Variants in UBR3 observed in about 807,000 individuals in gnomAD.
UBR3 encodes ubiquitin protein ligase E3 component n-recognin 3.
Under a neutral mutation model 243.2 loss-of-function variants are expected in UBR3, and 85 were observed. The observed-to-expected ratio is 0.35, with a 90% CI of 0.29 to 0.42. UBR3 has a LOEUF of 0.42. Among genes scored for constraint, UBR3 ranks in the 10% least tolerant of loss-of-function variants. UBR3 has a pLI of 1.00. For synonymous variants in UBR3, 748 were observed against 799.8 expected, an observed-to-expected ratio of 0.94 and a Z score of 1.09; for missense variants, 1,686 against 2,300.8, an observed-to-expected ratio of 0.73 and a Z score of 5.47.
chr2:170,035,910 T>TTGGTG (rs71006065), intron 31 of UBR3, among the ~76,000 whole-genome samples: 4 of 120,340 alleles, frequency 3.3e-5, no homozygotes, highest in Admixed American at 1.8e-4. Context: ...AGTATTTTAT[T>TTGGTG]GGGGGGGGGG....
At chr2:169,948,081 T>G (rs1002883437) in intron 22 of UBR3, 32 of 191,968 alleles carry the variant, frequency 1.7e-4, no homozygotes, top group South Asian at 2.2e-4. Flanking sequence ...TTATGTGTGT[T>G]TTTTTTTTTT....
At chr2:170,077,304 T>C in intron 36 of UBR3, 1 of 762,568 alleles carries the variant, frequency 1.3e-6, no homozygotes, top group East Asian at 2.5e-5. Flanking sequence ...CAAATAACCT[T>C]GCCTCCTTGT....
chr2:169,827,852 T>A lies in UBR3; in HGVS notation c.345T>A (p.Asp115Glu). The A allele has an allele frequency of 6.6e-7, 1 of 1,504,802 alleles. No homozygotes were observed. The highest frequency in any genetic ancestry group is 8.8e-7 in the Non-Finnish European group (1 of 1,131,378). 93.2% of individuals were successfully genotyped at this position (1,504,802 alleles called of 1,614,324 possible). The stretch of plus-strand genomic sequence containing the variant: ...TCTGCGCGGCGGTGCGGGCCTACGA[T>A]CCCGCGGCGCTCTGCGGCCTGGTCT... ...DEFCAAVRAY[D>E]PAALCGLVWT... The change falls in exon 1 of 39, where the codon GAT becomes GAA. Residue 115 changes from aspartate to glutamate, a missense_variant. By Grantham distance (45) the Asp-to-Glu change is conservative (BLOSUM62 2). Around this residue, in one of 8 missense-constraint regions of UBR3, gnomAD observed 145 missense variants for 243.8 expected, o/e 0.59. Transcript: ENST00000272793.
chr2:170,075,261 C>T (rs2091782769), intron 36 of UBR3, among the ~76,000 whole-genome samples: 1 of 151,930 alleles, frequency 6.6e-6, no homozygotes, highest in African/African-American at 2.4e-5. Flanking sequence ...CAAATATCTT[C>T]CTGTCTAGTA....
At chr2:169,947,856 A>G (rs2086847671) in intron 22 of UBR3, 141 bp downstream of exon 22, 1 of 1,235,176 alleles carries the variant, frequency 8.1e-7, no homozygotes, top group Non-Finnish European at 1.0e-6. Context: ...TTCCTCTGAT[A>G]TATCTATGTA....
intron 6 of UBR3, among the ~76,000 whole-genome samples, chr2:169,891,607 GACAGAGACACAC>G (rs2084377972): frequency 2.6e-5 from 1 of 38,654 alleles, no homozygotes; most frequent in Non-Finnish European, 4.9e-5. Context: ...GTGAGAGAGA[GACAGAGACACAC>G]ACACACACAC....
intron 17 of UBR3, among the ~76,000 whole-genome samples, chr2:169,928,479 A>G (rs1361582791): frequency 6.6e-6 from 1 of 152,132 alleles, no homozygotes; most frequent in Non-Finnish European, 1.5e-5. Context: ...TTCGGGGAAA[A>G]TATACCTGGG....
At chr2:170,002,308 T>C (rs115664873) in intron 27 of UBR3, among the ~76,000 whole-genome samples, 1,591 of 152,320 alleles carry the variant, frequency 0.01, 19 homozygotes, top group Non-Finnish European at 0.012. Context: ...TGTGGCTTCC[T>C]ATAACAGTGG....
chr2:170,043,067 T>C (rs868285857), intron 32 of UBR3, among the ~76,000 whole-genome samples: 1 of 152,270 alleles, frequency 6.6e-6, no homozygotes, highest in Middle Eastern at 3.4e-3. Flanking sequence ...ATATTAGTAG[T>C]ATTACGTTTT....
chr2:169,995,601 C>G (rs1311095444), intron 26 of UBR3, among the ~76,000 whole-genome samples: 1 of 152,170 alleles, frequency 6.6e-6, no homozygotes, highest in African/African-American at 2.4e-5. Flanking sequence ...TGTATTAACT[C>G]TGTAGAAACT....
chr2:169,993,401 G>A (rs867607223), intron 25 of UBR3, among the ~76,000 whole-genome samples: 4 of 152,080 alleles, frequency 2.6e-5, no homozygotes, highest in Non-Finnish European at 5.9e-5. Flanking sequence ...ATCCACAATC[G>A]AATAAAAGAT....
At chr2:170,020,420 A>C (rs369759177) in intron 30 of UBR3, among the ~76,000 whole-genome samples, 5 of 152,206 alleles carry the variant, frequency 3.3e-5, no homozygotes, top group African/African-American at 1.2e-4. Context: ...GCCAACATGA[A>C]AGATACATAT....
intron 33 of UBR3, among the ~76,000 whole-genome samples, chr2:170,056,411 T>C (rs2091337568): frequency 2.0e-5 from 3 of 152,316 alleles, no homozygotes; most frequent in South Asian, 4.1e-4. Context: ...TAAGCTAAAT[T>C]ATGCAAACTA....
chr2:169,914,138 G>C lies in UBR3; in HGVS notation c.1858G>C (p.Val620Leu), dbSNP rs200711897. The C allele has an allele frequency of 1.3e-6, 2 of 1,495,738 alleles. No homozygotes were observed. The highest frequency in any genetic ancestry group is 2.8e-5 in the African/African-American group (2 of 70,452). 92.7% of individuals were successfully genotyped at this position (1,495,738 alleles called of 1,614,324 possible). ...AGACTGGTTTGATGCTATTAACTTC[G>C]TAGACGAGGTATGTATATTTTTGAT... Reference protein sequence around the residue: ...LQDWFDAINFVDEPAPNQVTF... With the variant: ...LQDWFDAINFLDEPAPNQVTF... The change falls in exon 11 of 39, where the codon GTA becomes CTA. Residue 620 changes from valine (V) to leucine (L), a missense_variant. Around this residue, in one of 8 missense-constraint regions of UBR3, gnomAD observed 346 missense variants for 585.8 expected, o/e 0.59. Transcript: ENST00000272793.
intron 32 of UBR3, among the ~76,000 whole-genome samples, chr2:170,047,191 GTC>G (rs1491038667): frequency 0.028 from 170 of 6,166 alleles, no homozygotes; most frequent in African/African-American, 0.033. Context: ...CGGTGGCGGT[GTC>G]GGGGGGGGGG....
intron 11 of UBR3, among the ~76,000 whole-genome samples, chr2:169,915,076 A>G (rs1051690781): frequency 6.6e-6 from 1 of 152,164 alleles, no homozygotes; most frequent in Non-Finnish European, 1.5e-5. Context: ...AATCATTAAT[A>G]TATTATTAAC....
intron 29 of UBR3, among the ~76,000 whole-genome samples, chr2:170,009,361 T>A (rs78483387): frequency 0.012 from 1,842 of 152,200 alleles, 20 homozygotes; most frequent in Non-Finnish European, 0.018. Context: ...ACCGAAAAGA[T>A]CTAGTGATAA....
chr2:169,895,697 A>G (rs2084557410), intron 7 of UBR3, among the ~76,000 whole-genome samples: 1 of 152,210 alleles, frequency 6.6e-6, no homozygotes, highest in Non-Finnish European at 1.5e-5. Context: ...AGATTGTGAG[A>G]TCAGGCTGGG....
chr2:169,900,049 C>G (rs1006275294), intron 8 of UBR3, among the ~76,000 whole-genome samples: 1 of 152,172 alleles, frequency 6.6e-6, no homozygotes, highest in Non-Finnish European at 1.5e-5. Context: ...ATTTCTAGTT[C>G]TAGATCCTTG....
Sources: gnomAD v4.1 joint callset for allele counts (sites outside exome capture counted in the v4.1 genomes callset) on GRCh38, gnomAD v4.1.1 for gene constraint, gnomAD v4.1.1 regional missense constraint, MANE v1.5 for transcripts, NCBI Gene and HGNC (gene_info 2026-07-23, HGNC 2026-07-21) for gene names.